The following DHRS3 variants were observed in gnomAD, a reference collection of about 807,000 sequenced individuals.
DHRS3 encodes short-chain dehydrogenase/reductase 3.
A neutral mutation model predicts 27.2 loss-of-function variants in DHRS3; 14 were observed. The ratio of observed to expected loss-of-function variants is 0.52; its 90% CI spans 0.34 to 0.81. The LOEUF (loss-of-function observed/expected upper bound fraction) is 0.81, where lower values mean the gene tolerates loss of function less well. DHRS3 is among the 30% of genes least tolerant of loss of function. The probability of loss-of-function intolerance (pLI) is 0.01; values close to 1 mark genes in which losing one functional copy is unlikely to be tolerated. For missense variants in DHRS3, 322 were observed against 406.2 expected (o/e 0.79, Z 1.78); for synonymous variants, 165 against 175.9 (o/e 0.94, Z 0.49).
In DHRS3 at chr1:12,592,117, G is replaced by T. The variant is rs1042168616; in HGVS notation, c.196-11451C>A. ...TGGAGCACCCTTGCTCTCCAAGTGG[G>T]CGGGGTGGGACTGTGACAAGCACTC... On this transcript the variant is annotated intron_variant, in intron 1 of 5. Transcript: ENST00000616661. The surrounding 1 kb of genome is among the most constrained non-coding windows in gnomAD (Gnocchi z 4.2). Among the ~76,000 whole-genome samples the T allele has an allele frequency of 1.1e-4, 17 of 152,130 alleles. No homozygotes were observed. Among genetic ancestry groups the T allele is most frequent in the Non-Finnish European group, 2.2e-4 (15 of 68,022 alleles).
intron 1 of DHRS3, among the ~76,000 whole-genome samples, chr1:12,606,181 G>A (rs377756474): frequency 1.3e-5 from 2 of 150,182 alleles, no homozygotes; most frequent in East Asian, 3.9e-4. Context: ...GTTAATAAAT[G>A]GATAACTTGT....
intron 5 of DHRS3, among the ~76,000 whole-genome samples, chr1:12,571,479 A>G (rs867670855): frequency 2.6e-5 from 4 of 151,348 alleles, no homozygotes; most frequent in Middle Eastern, 3.3e-3. Flanking sequence ...AGTGAGGTCC[A>G]GGAACCTTTG....
intron 4 of DHRS3, among the ~76,000 whole-genome samples, chr1:12,576,156 A>C (rs1646585120): frequency 6.6e-6 from 1 of 152,190 alleles, no homozygotes; most frequent in Non-Finnish European, 1.5e-5. Flanking sequence ...GAAAACCTTG[A>C]ATTTCCTTCT....
rs974069301 is a variant in DHRS3 at position 12,594,759 on chromosome 1, G to A, written c.196-14093C>T. On this transcript the variant is annotated intron_variant, in intron 1 of 5. Transcript: ENST00000616661. This position sits in a 1 kb window ranked among gnomAD's most constrained non-coding sequence, Gnocchi z 4.1. ...CAAGCGGGAGACACCAGCCACAGCAGGACTTTGAATTCTTTTCTGAGATGG... is the reference window on the plus strand; with the variant it reads ...CAAGCGGGAGACACCAGCCACAGCAAGACTTTGAATTCTTTTCTGAGATGG... Among the ~76,000 whole-genome samples the A allele has an allele frequency of 3.9e-5, 6 of 152,174 alleles. No homozygotes were observed. Among genetic ancestry groups the A allele is most frequent in the African/African-American group, 1.2e-4 (5 of 41,436 alleles).
chr1:12,585,918 A>G (rs1312516709), intron 1 of DHRS3, among the ~76,000 whole-genome samples: 1 of 152,212 alleles, frequency 6.6e-6, no homozygotes, highest in Non-Finnish European at 1.5e-5. Flanking sequence ...CGGGACAGGC[A>G]GCAGCTGGGA....
chr1:12,576,497 G>A (rs192583474), intron 4 of DHRS3, among the ~76,000 whole-genome samples: 6 of 151,954 alleles, frequency 3.9e-5, no homozygotes, highest in African/African-American at 1.4e-4. Context: ...GGGAGACGGA[G>A]CTTGCAGTGA....
chr1:12,575,147 C>T (rs1646573914), intron 4 of DHRS3, among the ~76,000 whole-genome samples: 1 of 151,788 alleles, frequency 6.6e-6, no homozygotes. Context: ...GGCAACACGG[C>T]GAAACACTGT....
intron 4 of DHRS3, among the ~76,000 whole-genome samples, chr1:12,575,030 C>T (rs1332257126): frequency 6.6e-6 from 1 of 152,018 alleles, no homozygotes. Context: ...GCTGGAACAT[C>T]GAAGAGGCTC....
chr1:12,603,068 C>T (rs1272660836), intron 1 of DHRS3, among the ~76,000 whole-genome samples: 1 of 152,234 alleles, frequency 6.6e-6, no homozygotes, highest in Non-Finnish European at 1.5e-5. Context: ...GCTGTCTCAG[C>T]CCCGCTTGGG....
intron 1 of DHRS3, among the ~76,000 whole-genome samples, chr1:12,609,688 T>C (rs1646894091): frequency 6.6e-6 from 1 of 152,184 alleles, no homozygotes; most frequent in Non-Finnish European, 1.5e-5. Context: ...CTCCACCACC[T>C]GCCTGTCACA....
intron 1 of DHRS3, among the ~76,000 whole-genome samples, chr1:12,615,263 C>T (rs567893065): frequency 7.7e-4 from 117 of 152,316 alleles, no homozygotes; most frequent in African/African-American, 2.6e-3. Flanking sequence ...GTCATCCTGA[C>T]AAGTCAGATG....
In DHRS3 at chr1:12,574,568, G is replaced by A. The variant is rs1646568891; in HGVS notation, c.699-1715C>T. ...CGTGTTGAGGCAGCTCACTGATACT[G>A]GAGTCCTACAGGTGTCGTGGGCGGT... On this transcript the variant is annotated intron_variant, in intron 4 of 5. Coordinates refer to ENST00000616661, the MANE Select transcript of DHRS3 (RefSeq NM_004753.7). The surrounding 1 kb of genome is among the most constrained non-coding windows in gnomAD (Gnocchi z 4.6). 6.6e-6 allele frequency among the ~76,000 whole-genome samples: 1 copy of A among 152,192 alleles called. No homozygotes were observed. Among genetic ancestry groups the A allele is most frequent in the Admixed American group, 6.5e-5 (1 of 15,282 alleles).
intron 1 of DHRS3, among the ~76,000 whole-genome samples, chr1:12,589,661 G>C (rs1381610174): frequency 6.6e-6 from 1 of 152,152 alleles, no homozygotes; most frequent in East Asian, 1.9e-4. Context: ...TTGAAGAGTA[G>C]TTGGGAGGAT....
At chr1:12,613,151 T>A (rs1004387287) in intron 1 of DHRS3, among the ~76,000 whole-genome samples, 1 of 151,972 alleles carries the variant, frequency 6.6e-6, no homozygotes, top group African/African-American at 2.4e-5. Flanking sequence ...CATGCTTCCA[T>A]AAGCCAAGGA....
intron 1 of DHRS3, among the ~76,000 whole-genome samples, chr1:12,615,713 C>T (rs950447514): frequency 1.3e-5 from 2 of 152,164 alleles, no homozygotes; most frequent in African/African-American, 4.8e-5. Flanking sequence ...CAAAGGACAC[C>T]CTCATCTGCC....
In DHRS3 at chr1:12,594,537, G is replaced by A. The variant is rs1022867399; in HGVS notation, c.196-13871C>T. Among the ~76,000 whole-genome samples, 2 of 152,152 alleles carry A rather than the reference G, an allele frequency of 1.3e-5. No homozygotes were observed. The highest frequency in any genetic ancestry group is 2.9e-5 in the Non-Finnish European group (2 of 68,026). On this transcript the variant is annotated intron_variant, in intron 1 of 5. Coordinates refer to ENST00000616661, the MANE Select transcript of DHRS3 (RefSeq NM_004753.7). This position sits in a 1 kb window ranked among gnomAD's most constrained non-coding sequence, Gnocchi z 4.1. ...TGGAGGGAGTGATTATGGGGTGGGA[G>A]TGGTATTCAGATGGTGGGGGAAAGG...
intron 4 of DHRS3, among the ~76,000 whole-genome samples, chr1:12,575,792 C>T (rs1489146373): frequency 2.0e-5 from 3 of 152,062 alleles, no homozygotes; most frequent in Non-Finnish European, 4.4e-5. Flanking sequence ...CTGCAACCTC[C>T]ACCTCCCAGG....
intron 1 of DHRS3, among the ~76,000 whole-genome samples, chr1:12,603,601 G>A (rs903233652): frequency 2.6e-5 from 4 of 152,150 alleles, no homozygotes; most frequent in African/African-American, 9.7e-5. Context: ...GCTGAGGTCC[G>A]CATGGGGACC....
chr1:12,575,204 G>A (rs1194392361), intron 4 of DHRS3, among the ~76,000 whole-genome samples: 2 of 152,108 alleles, frequency 1.3e-5, no homozygotes, highest in Non-Finnish European at 2.9e-5. Flanking sequence ...TCAGGTGCCT[G>A]TAATCCCAGC....
Sources: allele counts gnomAD v4.1 joint callset (sites outside exome capture counted in the v4.1 genomes callset), GRCh38; gene constraint gnomAD v4.1.1; non-coding constraint Gnocchi (gnomAD v3.1); transcripts MANE v1.5; gene names NCBI Gene and HGNC (gene_info 2026-07-23, HGNC 2026-07-21).